The following TRDMT1 variants were observed in gnomAD, a reference collection of about 807,000 sequenced individuals.
TRDMT1 encodes tRNA (cytosine(38)-C(5))-methyltransferase.
Under a neutral mutation model 51.2 loss-of-function variants are expected in TRDMT1, and 49 were observed. That is an observed-to-expected ratio of 0.96 (90% confidence interval 0.76 to 1.21). TRDMT1 has a LOEUF of 1.21. Among genes scored for constraint, TRDMT1 ranks in the 50% most tolerant of loss-of-function variants. The pLI is 0.00. For missense variants in TRDMT1, 534 were observed against 462.3 expected, an observed-to-expected ratio of 1.16 and a Z score of -1.42; for synonymous variants, 187 against 164.6, an observed-to-expected ratio of 1.14 and a Z score of -1.04.
At chr10:17,177,384 T>C (rs1030215128) in intron 1 of TRDMT1, among the ~76,000 whole-genome samples, 6 of 151,874 alleles carry the variant, frequency 4.0e-5, no homozygotes, top group Non-Finnish European at 7.4e-5. Flanking sequence ...ATATTTTTAG[T>C]AGGGACAGGG....
In TRDMT1 at chr10:17,144,711, T is replaced by C; in HGVS notation, c.*4329A>G. The C allele has an allele frequency of 1.0e-6, 1 of 985,430 alleles. No individual in the cohort carries two copies. Among genetic ancestry groups the C allele is most frequent in the Non-Finnish European group, 1.2e-6 (1 of 829,930 alleles). 61.0% of individuals were successfully genotyped at this position (985,430 alleles called of 1,614,324 possible). On this transcript the variant is annotated 3_prime_UTR_variant, in exon 11 of 11. Transcript: ENST00000377799. ...ATGAATGGTGATGGAGTTTGGATCT[T>C]GATTGTGTAAGATTTTGAAGAGCAT...
At chr10:17,161,655 CTT>C in intron 4 of TRDMT1, 107 bp from the exon 5 acceptor site, 1 of 649,966 alleles carries the variant, frequency 1.5e-6, no homozygotes, top group Admixed American at 3.9e-5. Flanking sequence ...TTTCTGAACT[CTT>C]TTTAAAATGG....
chr10:17,160,217 G>A, intron 6 of TRDMT1, 88 bp downstream of exon 6: 3 of 818,582 alleles, frequency 3.7e-6, no homozygotes, highest in African/African-American at 1.8e-5. Flanking sequence ...CCAAAATAAA[G>A]CCATTCTGCT....
At chr10:17,178,218 T>C (rs1842850552) in intron 1 of TRDMT1, among the ~76,000 whole-genome samples, 1 of 152,206 alleles carries the variant, frequency 6.6e-6, no homozygotes, top group Non-Finnish European at 1.5e-5. Flanking sequence ...AGTTGTAAGA[T>C]GAAAGATCAG....
intron 2 of TRDMT1, 55 bp downstream of exon 2, chr10:17,174,496 T>C: frequency 7.8e-7 from 1 of 1,282,726 alleles, no homozygotes; most frequent in Non-Finnish European, 1.1e-6. Flanking sequence ...TAGGCAGTGT[T>C]TTTCAATCAC....
intron 2 of TRDMT1, among the ~76,000 whole-genome samples, chr10:17,170,612 C>T (rs1240088799): frequency 1.3e-5 from 2 of 152,118 alleles, no homozygotes; most frequent in African/African-American, 2.4e-5. Context: ...GATTAGAAAA[C>T]AACAACTTTT....
At chr10:17,151,983 T>C (rs1453180427) in intron 10 of TRDMT1, 1 of 1,289,212 alleles carries the variant, frequency 7.8e-7, no homozygotes, top group African/African-American at 1.5e-5. Flanking sequence ...GGTTCAGTAT[T>C]ACCAAAGTGA....
chr10:17,182,270 G>A (rs1843370067), intron 1 of TRDMT1, among the ~76,000 whole-genome samples: 1 of 152,154 alleles, frequency 6.6e-6, no homozygotes, highest in African/African-American at 2.4e-5. Context: ...GAAAAAAACT[G>A]GTTTCTGGTG....
intron 2 of TRDMT1, among the ~76,000 whole-genome samples, chr10:17,170,219 G>T (rs541800277): frequency 2.0e-5 from 3 of 152,196 alleles, no homozygotes; most frequent in Middle Eastern, 3.4e-3. Flanking sequence ...TTTTTTAATA[G>T]TGTAGGCCAA....
At chr10:17,167,773 C>A (rs369868370) in intron 3 of TRDMT1, among the ~76,000 whole-genome samples, 104 of 152,158 alleles carry the variant, frequency 6.8e-4, no homozygotes, top group African/African-American at 2.4e-3. Flanking sequence ...TACAATTAAG[C>A]AATTTAGGAC....
chr10:17,156,402 T>C (rs1413642985), intron 8 of TRDMT1, among the ~76,000 whole-genome samples: 1 of 151,988 alleles, frequency 6.6e-6, no homozygotes, highest in African/African-American at 2.4e-5. Flanking sequence ...GCCTGGTCAA[T>C]TTTTGTAGTC....
At chr10:17,171,865 C>T (rs1048164738) in intron 2 of TRDMT1, 2 of 156,610 alleles carry the variant, frequency 1.3e-5, no homozygotes, top group Non-Finnish European at 2.9e-5. Flanking sequence ...CAGAAGGGCT[C>T]ATGGATGTTA....
intron 1 of TRDMT1, among the ~76,000 whole-genome samples, chr10:17,177,944 A>T (rs1842818944): frequency 6.6e-6 from 1 of 152,208 alleles, no homozygotes; most frequent in African/African-American, 2.4e-5. Flanking sequence ...AATATTTACA[A>T]GATGTAAATG....
chr10:17,193,621 C>T (rs1844990263), intron 1 of TRDMT1, among the ~76,000 whole-genome samples: 2 of 151,976 alleles, frequency 1.3e-5, no homozygotes, highest in South Asian at 4.2e-4. Flanking sequence ...AAGATCTCTG[C>T]AAGGAGAATG....
chr10:17,142,834 G>T lies in TRDMT1; in HGVS notation c.*6206C>A. The T allele has an allele frequency of 5.6e-6, 2 of 355,568 alleles. No homozygotes were observed. The highest frequency in any genetic ancestry group is 7.9e-6 in the Non-Finnish European group (2 of 254,236). 22.0% of individuals were successfully genotyped at this position (355,568 alleles called of 1,614,324 possible). ...TAGTCTTGGGGTCCCTCCGCAGTGTGTCTTCCTGGTCCCACCTTTCAGAAT... is the reference window on the plus strand; with the variant it reads ...TAGTCTTGGGGTCCCTCCGCAGTGTTTCTTCCTGGTCCCACCTTTCAGAAT... On this transcript the variant is annotated 3_prime_UTR_variant, in exon 11 of 11. Coordinates refer to ENST00000377799, the MANE Select transcript of TRDMT1 (RefSeq NM_004412.7).
intron 8 of TRDMT1, among the ~76,000 whole-genome samples, chr10:17,156,324 C>T (rs1015174868): frequency 1.3e-4 from 19 of 151,864 alleles, no homozygotes; most frequent in African/African-American, 4.3e-4. Context: ...AACCTCTGCC[C>T]CCCAGATTCA....
chr10:17,171,790 T>C (rs1444496368), intron 2 of TRDMT1: 1 of 152,420 alleles, frequency 6.6e-6, no homozygotes, highest in African/African-American at 2.4e-5. Context: ...GGCAGCTTCA[T>C]TCCTGGGTTT....
chr10:17,162,308 T>C (rs939549263), intron 3 of TRDMT1, 71 bp from the exon 4 acceptor site: 2 of 1,401,462 alleles, frequency 1.4e-6, no homozygotes, highest in Non-Finnish European at 9.8e-7. Context: ...TAAAAAGATG[T>C]CAAATCACTT....
chr10:17,142,591 A>C lies in TRDMT1; in HGVS notation c.*6449T>G, dbSNP rs1400463389. The C allele has an allele frequency of 6.6e-6, 1 of 152,228 alleles. No homozygotes were observed. The highest frequency in any genetic ancestry group is 1.5e-5 in the Non-Finnish European group (1 of 68,098). The allele number at this position is 152,228 out of a possible 1,614,324, so 9.4% of individuals were successfully genotyped here. ...TCTCTCAGCACAAAAGACAAGTCTC[A>C]GGTCTGGATGTTTGTCAGTGGGATT... is the stretch of plus-strand genomic sequence containing the variant. On this transcript the variant is annotated 3_prime_UTR_variant, in exon 11 of 11. Coordinates refer to ENST00000377799, the MANE Select transcript of TRDMT1 (RefSeq NM_004412.7).
Sources: gnomAD v4.1 joint callset for allele counts (sites outside exome capture counted in the v4.1 genomes callset) on GRCh38, gnomAD v4.1.1 for gene constraint, MANE v1.5 for transcripts, NCBI Gene and HGNC (gene_info 2026-07-23, HGNC 2026-07-21) for gene names.